CCNH: variants seen among roughly 807,000 people sequenced by gnomAD.
The protein encoded by CCNH is cyclin-H.
CCNH carries 31 observed loss-of-function variants against 41.9 expected under a neutral mutation model. That is an observed-to-expected ratio of 0.74 (90% CI 0.56 to 1.00). The LOEUF (loss-of-function observed/expected upper bound fraction) is 1.00, where lower values mean the gene tolerates loss of function less well. CCNH is among the 50% of genes least tolerant of loss of function. The pLI, the probability that CCNH is intolerant of heterozygous loss-of-function variation, is 0.00. For synonymous variants in CCNH, 138 were observed against 136.1 expected (o/e 1.01, Z -0.10); for missense variants, 362 against 388.4 (o/e 0.93, Z 0.57).
intron 7 of CCNH, 44 bp from the exon 8 acceptor site, chr5:87,395,148 A>C (rs1277544540): frequency 6.4e-7 from 1 of 1,558,532 alleles, no homozygotes; most frequent in Admixed American, 1.8e-5. Context: ...TACCAGCCAC[A>C]GAAACTATAA....
intron 4 of CCNH, among the ~76,000 whole-genome samples, chr5:87,405,379 A>G (rs1763716398): frequency 6.6e-6 from 1 of 152,204 alleles, no homozygotes; most frequent in Admixed American, 6.5e-5. Context: ...AGGAAGAAGT[A>G]AATAAAAATG....
intron 9 of CCNH, among the ~76,000 whole-genome samples, chr5:87,322,863 C>G (rs1448450016): frequency 1.3e-5 from 2 of 152,040 alleles, no homozygotes; most frequent in Non-Finnish European, 2.9e-5. Flanking sequence ...TTTTGAAATT[C>G]CAGGTCTGGA....
intron 5 of CCNH, among the ~76,000 whole-genome samples, chr5:87,402,201 A>T (rs938145171): frequency 6.6e-6 from 1 of 152,220 alleles, no homozygotes; most frequent in Admixed American, 6.5e-5. Flanking sequence ...AGGATTCTCT[A>T]TTCCCTTAAT....
chr5:87,330,964 T>C, intron 9 of CCNH: 1 of 1,435,872 alleles, frequency 7.0e-7, no homozygotes, highest in Non-Finnish European at 9.1e-7. Flanking sequence ...GAAGTCATGG[T>C]TCCTCAGTAT....
intron 9 of CCNH, among the ~76,000 whole-genome samples, chr5:87,350,506 AT>A (rs1201169946): frequency 1.3e-5 from 2 of 151,742 alleles, no homozygotes; most frequent in Non-Finnish European, 1.5e-5. Context: ...ACATGAATTT[AT>A]TTTTTTGAAG....
chr5:87,389,158 A>G, downstream of CCNH: 1 of 416,862 alleles, frequency 2.4e-6, no homozygotes, highest in South Asian at 2.2e-5. Flanking sequence ...ACTACAGAGA[A>G]AGATTTGTAT....
downstream of CCNH, among the ~76,000 whole-genome samples, chr5:87,375,306 G>A (rs1029154289): frequency 8.6e-5 from 13 of 151,932 alleles, no homozygotes; most frequent in South Asian, 1.0e-3. Flanking sequence ...TGTTGCTCAG[G>A]CTGCAGTGCA....
At chr5:87,315,653 C>T (rs1216457238), downstream of CCNH, among the ~76,000 whole-genome samples, 4 of 152,134 alleles carry the variant, frequency 2.6e-5, no homozygotes, top group Non-Finnish European at 5.9e-5. Flanking sequence ...TTAATAATCT[C>T]ATATTAGAAT....
chr5:87,402,471 T>C (rs1763486834), intron 5 of CCNH, among the ~76,000 whole-genome samples: 1 of 152,192 alleles, frequency 6.6e-6, no homozygotes, highest in South Asian at 2.1e-4. Context: ...TGACCTATGA[T>C]TGATAAAAGG....
At chr5:87,365,273 C>A (rs1031390130) in intron 9 of CCNH, among the ~76,000 whole-genome samples, 1 of 152,016 alleles carries the variant, frequency 6.6e-6, no homozygotes, top group Admixed American at 6.6e-5. Flanking sequence ...TTATAACACT[C>A]GAAATCATAT....
At chr5:87,337,252 G>A (rs1055192634) in intron 9 of CCNH, among the ~76,000 whole-genome samples, 6 of 151,990 alleles carry the variant, frequency 3.9e-5, no homozygotes, top group Non-Finnish European at 7.4e-5. Context: ...ATTGTGTGGA[G>A]GTTGAAAACA....
chr5:87,410,733 T>C (rs1764168717), intron 2 of CCNH, among the ~76,000 whole-genome samples: 1 of 152,144 alleles, frequency 6.6e-6, no homozygotes, highest in African/African-American at 2.4e-5. Context: ...CTCAGAACCA[T>C]ACATCTGAAA....
At chr5:87,396,920 C>T (rs1763012594) in intron 7 of CCNH, among the ~76,000 whole-genome samples, 1 of 152,130 alleles carries the variant, frequency 6.6e-6, no homozygotes, top group African/African-American at 2.4e-5. Context: ...TGCTAAGTAA[C>T]TTCTGAGGTC....
chr5:87,411,572 T>C (rs1764245990), intron 1 of CCNH, among the ~76,000 whole-genome samples: 1 of 152,258 alleles, frequency 6.6e-6, no homozygotes, highest in Admixed American at 6.5e-5. Context: ...GAATGTCAGC[T>C]AGACCTTTGC....
rs575470968 is a variant in CCNH, at chr5:87,337,878, A to G, written c.*91-18981T>C. On this transcript the variant is annotated intron_variant and NMD_transcript_variant, in intron 9 of 9. Coordinates refer to the CCNH transcript ENST00000645953. ...ACTCTAATTCCTTACATTTTTCAAT[A>G]TAATACTATCCCTATCCTATTTTGT... 18 of 1,292,544 alleles carry G rather than the reference A, an allele frequency of 1.4e-5. No individual in the cohort carries two copies. In the African/African-American group the frequency reaches 2.2e-4, roughly 16 times the overall value. The allele number at this position is 1,292,544 out of a possible 1,614,324, so 80.1% of individuals were successfully genotyped here.
intron 8 of CCNH, 43 bp downstream of exon 8, chr5:87,395,001 A>G (rs1231605757): frequency 1.2e-6 from 2 of 1,611,826 alleles, no homozygotes; most frequent in East Asian, 2.2e-5. Context: ...ACCAGAATGT[A>G]TAACAAAAAT....
At chr5:87,332,678 A>T (rs776127472) in intron 9 of CCNH, 1 of 1,566,506 alleles carries the variant, frequency 6.4e-7, no homozygotes, top group Non-Finnish European at 8.8e-7. Context: ...TCAAAACTTT[A>T]TTTTTTCAGT....
At chr5:87,349,228 A>G (rs1363006932) in intron 9 of CCNH, 1 of 1,611,916 alleles carries the variant, frequency 6.2e-7, no homozygotes, top group Non-Finnish European at 8.5e-7. Flanking sequence ...TCAAGTCTGC[A>G]GTTTTCTTGT....
At chr5:87,322,897 TTAA>T (rs1756934184) in intron 9 of CCNH, among the ~76,000 whole-genome samples, 1 of 152,218 alleles carries the variant, frequency 6.6e-6, no homozygotes, top group Non-Finnish European at 1.5e-5. Flanking sequence ...GCTGGTGTTA[TTAA>T]TAAAGAGGAA....
Sources: allele counts gnomAD v4.1 joint callset (sites outside exome capture counted in the v4.1 genomes callset), GRCh38; gene constraint gnomAD v4.1.1; transcripts MANE v1.5; gene names NCBI Gene and HGNC (gene_info 2026-07-23, HGNC 2026-07-21).